The following TRPC4AP variants were observed in gnomAD, a reference collection of about 807,000 sequenced individuals.
The protein encoded by TRPC4AP is short transient receptor potential channel 4-associated protein.
In TRPC4AP, 45 loss-of-function variants were observed where a neutral mutation model predicts 99.0. That is an observed-to-expected ratio of 0.45 (90% CI 0.36 to 0.58). The LOEUF (loss-of-function observed/expected upper bound fraction) is 0.58. TRPC4AP is among the 20% of genes least tolerant of loss of function. TRPC4AP has a pLI of 0.00. For synonymous variants in TRPC4AP, 408 were observed against 385.8 expected (o/e 1.06, Z -0.67); for missense variants, 879 against 985.3 (o/e 0.89, Z 1.44).
rs35372826 is a variant in TRPC4AP at position 35,029,628 on chromosome 20, C to CTTTTTTTTTTTT, written c.1051+5483_1051+5494dup. On this transcript the variant is annotated intron_variant, in intron 8 of 18. Coordinates refer to ENST00000252015, the MANE Select transcript of TRPC4AP (RefSeq NM_015638.3). Reference sequence around the variant, plus strand: ...TTTACTATATTTCCCAAGTTACTTTCTTTTTTTTTTTTTTTTTTTTTTTTT... The same window carrying CTTTTTTTTTTTT: ...TTTACTATATTTCCCAAGTTACTTTCTTTTTTTTTTTTTTTTTTTTTTTTTTTTTTTTTTTTT... Among the ~76,000 whole-genome samples, 15 of 39,392 alleles carry CTTTTTTTTTTTT rather than the reference C, an allele frequency of 3.8e-4. 1 individual carries two copies. Among genetic ancestry groups the CTTTTTTTTTTTT allele is most frequent in the African/African-American group, 5.7e-4 (5 of 8,716 alleles). The allele number at this position is 39,392 out of a possible 152,430, so 25.8% of individuals were successfully genotyped here.
intron 2 of TRPC4AP, among the ~76,000 whole-genome samples, chr20:35,073,890 G>A (rs370594200): frequency 8.5e-5 from 13 of 152,132 alleles, no homozygotes; most frequent in African/African-American, 2.9e-4. Context: ...CTGTGAATCC[G>A]TCTGGTCCTG....
At chr20:35,015,860 G>C (rs1276348941) in intron 10 of TRPC4AP, 148 bp downstream of exon 10, 1 of 977,684 alleles carries the variant, frequency 1.0e-6, no homozygotes, top group Admixed American at 2.7e-5. Flanking sequence ...CCTACTCCAA[G>C]GTAGCTTCCA....
At chr20:35,014,913 G>A (rs1174561088) in intron 10 of TRPC4AP, among the ~76,000 whole-genome samples, 2 of 152,196 alleles carry the variant, frequency 1.3e-5, no homozygotes, top group African/African-American at 4.8e-5. Context: ...CTTCCAACAA[G>A]CCTTCCAATG....
intron 8 of TRPC4AP, among the ~76,000 whole-genome samples, chr20:35,031,187 T>C (rs1050379744): frequency 3.9e-5 from 6 of 152,138 alleles, no homozygotes; most frequent in Non-Finnish European, 7.4e-5. Flanking sequence ...TTGGGCATGA[T>C]GAGCCATTTT....
chr20:35,060,315 G>A (rs1480753148), intron 3 of TRPC4AP, among the ~76,000 whole-genome samples: 1 of 152,144 alleles, frequency 6.6e-6, no homozygotes, highest in African/African-American at 2.4e-5. Flanking sequence ...CTCCACGCAT[G>A]ATGGCTTATG....
chr20:35,006,411 C>T (rs1408323172), intron 15 of TRPC4AP, 24 bp downstream of exon 15: 2 of 1,612,362 alleles, frequency 1.2e-6, no homozygotes, highest in Admixed American at 1.7e-5. Flanking sequence ...CAGCACACTC[C>T]ACAGAGCCCT....
intron 7 of TRPC4AP, among the ~76,000 whole-genome samples, chr20:35,041,844 C>T (rs1303538190): frequency 6.6e-6 from 1 of 152,202 alleles, no homozygotes; most frequent in Non-Finnish European, 1.5e-5. Context: ...AATGGGGATA[C>T]TAATCTCTAT....
intron 8 of TRPC4AP, among the ~76,000 whole-genome samples, chr20:35,029,955 G>A (rs1227463753): frequency 0.013 from 4 of 306 alleles, no homozygotes; most frequent in Admixed American, 0.033. Context: ...TTTCTTAGAA[G>A]TTGCTGGCTG....
chr20:35,088,713 C>A (rs570872941), intron 1 of TRPC4AP, among the ~76,000 whole-genome samples: 2 of 152,206 alleles, frequency 1.3e-5, no homozygotes, highest in Non-Finnish European at 2.9e-5. Flanking sequence ...GGTCACCCTG[C>A]TAGGATTCAA....
At chr20:35,050,268 A>G (rs1396157921) in intron 5 of TRPC4AP, among the ~76,000 whole-genome samples, 1 of 152,250 alleles carries the variant, frequency 6.6e-6, no homozygotes, top group Non-Finnish European at 1.5e-5. Context: ...CTTATCTCAG[A>G]GTTCTGAAGG....
chr20:35,030,768 T>C (rs1368118960), intron 8 of TRPC4AP, among the ~76,000 whole-genome samples: 1 of 152,212 alleles, frequency 6.6e-6, no homozygotes, highest in Non-Finnish European at 1.5e-5. Context: ...ACAATATAAT[T>C]AGATGGTTTG....
At chr20:35,092,560 C>A in intron 1 of TRPC4AP, 54 bp downstream of exon 1, 1 of 1,408,636 alleles carries the variant, frequency 7.1e-7, no homozygotes, top group Non-Finnish European at 9.2e-7. Context: ...CCCGGCCCCC[C>A]GCCAGCTCCC....
At chr20:35,030,944 A>G (rs1013372818) in intron 8 of TRPC4AP, among the ~76,000 whole-genome samples, 6 of 152,226 alleles carry the variant, frequency 3.9e-5, no homozygotes, top group Admixed American at 6.5e-5. Flanking sequence ...GGTATTTCTC[A>G]TAAGTCGGTA....
intron 8 of TRPC4AP, among the ~76,000 whole-genome samples, chr20:35,028,305 C>T (rs1219283444): frequency 1.3e-5 from 2 of 150,874 alleles, no homozygotes; most frequent in Non-Finnish European, 2.9e-5. Flanking sequence ...AAGCAATTTT[C>T]CTGCCTGGAC....
intron 1 of TRPC4AP, among the ~76,000 whole-genome samples, chr20:35,085,072 T>C (rs1221320659): frequency 1.3e-5 from 2 of 152,194 alleles, no homozygotes; most frequent in Non-Finnish European, 2.9e-5. Flanking sequence ...TTTATAACCA[T>C]GTTATTTAGA....
chr20:35,075,667 C>T (rs1381519861), intron 2 of TRPC4AP, among the ~76,000 whole-genome samples: 1 of 152,182 alleles, frequency 6.6e-6, no homozygotes, highest in Admixed American at 6.5e-5. Context: ...GTAACCCGAC[C>T]TTTCTCTCTG....
intron 7 of TRPC4AP, among the ~76,000 whole-genome samples, chr20:35,038,627 T>G (rs959073632): frequency 6.6e-5 from 10 of 152,130 alleles, no homozygotes; most frequent in African/African-American, 2.4e-4. Context: ...CCCTCCCTCC[T>G]TCCCCCGTCC....
chr20:35,005,208 C>T (rs755274000), intron 16 of TRPC4AP, among the ~76,000 whole-genome samples: 16 of 152,142 alleles, frequency 1.1e-4, no homozygotes, highest in East Asian at 1.9e-4. Context: ...TGACAGTGAC[C>T]GTGACAAGGA....
chr20:35,044,558 G>A lies in TRPC4AP; in HGVS notation c.812C>T (p.Ala271Val). The change falls in exon 7 of 19, where the codon GCT becomes GTT. Residue 271 changes from alanine (A) to valine (V), a missense_variant. This residue lies in a region of TRPC4AP where 603 missense variants were observed against 631.8 expected (regional missense o/e 0.95). Coordinates refer to ENST00000252015, the MANE Select transcript of TRPC4AP (RefSeq NM_015638.3). ...CAAACTCAAGCTCTTCTTCTGTTGA[G>A]CATTTTTGGCAAGAAGCGTGTGCTT... ...DDKHTLLAKN[A>V]QQKKSLSLGP... 1 of 1,614,152 alleles carries A rather than the reference G, an allele frequency of 6.2e-7. No individual in the cohort carries two copies. Among genetic ancestry groups the A allele is most frequent in the Non-Finnish European group, 8.5e-7 (1 of 1,180,018 alleles).
Sources: allele counts gnomAD v4.1 joint callset (sites outside exome capture counted in the v4.1 genomes callset), GRCh38; gene constraint gnomAD v4.1.1; regional missense constraint gnomAD v4.1.1; transcripts MANE v1.5; gene names NCBI Gene and HGNC (gene_info 2026-07-23, HGNC 2026-07-21).